PLPPR1: variants seen among roughly 807,000 people sequenced by gnomAD.
PLPPR1 encodes the protein phospholipid phosphatase related 1.
In PLPPR1, 10 loss-of-function variants were observed where a neutral mutation model predicts 33.1. That is an observed-to-expected ratio of 0.30 (90% CI 0.19 to 0.51). The LOEUF (loss-of-function observed/expected upper bound fraction) is 0.51. PLPPR1 is among the 20% of genes least tolerant of loss of function. The pLI is 0.97. For missense variants in PLPPR1, 304 were observed against 408.1 expected, an observed-to-expected ratio of 0.74 and a Z score of 2.20; for synonymous variants, 151 against 151.0, an observed-to-expected ratio of 1.00 and a Z score of 0.00.
At chr9:101,170,737 A>G (rs1825930521) in intron 1 of PLPPR1, among the ~76,000 whole-genome samples, 1 of 152,172 alleles carries the variant, frequency 6.6e-6, no homozygotes, top group Admixed American at 6.6e-5. Flanking sequence ...GGGGTTTAAG[A>G]TCAGCCTGGG....
intron 1 of PLPPR1, among the ~76,000 whole-genome samples, chr9:101,034,525 T>A (rs1829986545): frequency 6.6e-6 from 1 of 152,142 alleles, no homozygotes; most frequent in South Asian, 2.1e-4. Context: ...CTGAATTGAT[T>A]CAGAATTCTA....
intron 1 of PLPPR1, among the ~76,000 whole-genome samples, chr9:101,109,094 G>A (rs1440522392): frequency 6.6e-6 from 1 of 150,444 alleles, no homozygotes; most frequent in African/African-American, 2.4e-5. Context: ...AAGTAGCTGG[G>A]ACTACAGGCG....
chr9:101,180,866 C>G (rs1446807180), intron 1 of PLPPR1, among the ~76,000 whole-genome samples: 1 of 151,708 alleles, frequency 6.6e-6, no homozygotes, highest in Admixed American at 6.6e-5. Context: ...AGCACAAGCA[C>G]AAGCAAAATA....
At chr9:101,225,332 G>T (rs550759256) in intron 2 of PLPPR1, among the ~76,000 whole-genome samples, 1 of 152,194 alleles carries the variant, frequency 6.6e-6, no homozygotes, top group South Asian at 2.1e-4. Flanking sequence ...TGGCCCATTT[G>T]TGGAGTGAAA....
At chr9:101,233,716 TTCTCAC>T in intron 2 of PLPPR1, among the ~76,000 whole-genome samples, 1 of 151,900 alleles carries the variant, frequency 6.6e-6, no homozygotes, top group African/African-American at 2.4e-5. Context: ...GATATTGGAC[TTCTCAC>T]CCTCCAGGAC....
intron 6 of PLPPR1, among the ~76,000 whole-genome samples, chr9:101,314,757 A>T (rs1311497168): frequency 6.6e-6 from 1 of 152,150 alleles, no homozygotes; most frequent in Non-Finnish European, 1.5e-5. Flanking sequence ...ATTTAAAAAA[A>T]AAAAAAATAT....
chr9:101,323,748 A>G lies in PLPPR1; in HGVS notation c.946-277A>G, dbSNP rs189637685. ...CAGCTACTTGGGAGGCTGAGGCAGG[A>G]GAATTGCTTGAACCCAGGAGGGAGA... On this transcript the variant is annotated intron_variant, in intron 7 of 7. Transcript: ENST00000374874. Among the ~76,000 whole-genome samples the G allele has an allele frequency of 1.6e-3, 248 of 152,222 alleles. 5 individuals carry two copies. The East Asian group carries it at 0.037, about 23-fold the overall frequency.
chr9:101,215,025 TAAAAAAAAA>T (rs771958048), intron 2 of PLPPR1, among the ~76,000 whole-genome samples: 1 of 111,616 alleles, frequency 9.0e-6, no homozygotes, highest in Non-Finnish European at 1.9e-5. Context: ...TCCATGAAAT[TAAAAAAAAA>T]AAAAAAGAAA....
At chr9:101,042,095 A>G (rs1830084569) in intron 1 of PLPPR1, among the ~76,000 whole-genome samples, 1 of 152,202 alleles carries the variant, frequency 6.6e-6, no homozygotes, top group South Asian at 2.1e-4. Context: ...TTAATCATTC[A>G]GCACTGGGTA....
intron 1 of PLPPR1, among the ~76,000 whole-genome samples, chr9:101,042,001 G>A (rs76190468): frequency 0.029 from 4,448 of 152,198 alleles, 147 homozygotes; most frequent in African/African-American, 0.085. Context: ...CATCAGGGAA[G>A]GTAAGTCTGG....
chr9:101,111,622 A>G (rs1221129254), intron 1 of PLPPR1, among the ~76,000 whole-genome samples: 4 of 152,216 alleles, frequency 2.6e-5, no homozygotes, highest in Admixed American at 1.3e-4. Context: ...GCATTTTATA[A>G]ATAGATTTAT....
intron 1 of PLPPR1, among the ~76,000 whole-genome samples, chr9:101,050,858 A>G (rs904514998): frequency 6.6e-6 from 1 of 151,838 alleles, no homozygotes; most frequent in Non-Finnish European, 1.5e-5. Flanking sequence ...TGTTACCACA[A>G]CCTCTTAGCC....
intron 1 of PLPPR1, among the ~76,000 whole-genome samples, chr9:101,181,194 ATATT>A (rs1185826176): frequency 1.4e-5 from 2 of 147,526 alleles, no homozygotes; most frequent in Admixed American, 6.8e-5. Flanking sequence ...AAATTTATAT[ATATT>A]ATATGTATAT....
intron 3 of PLPPR1, among the ~76,000 whole-genome samples, chr9:101,284,775 G>A (rs1828362809): frequency 6.6e-6 from 1 of 152,076 alleles, no homozygotes; most frequent in Non-Finnish European, 1.5e-5. Context: ...AGACATTCCA[G>A]CATGACAGGA....
chr9:101,189,734 T>G (rs1404444005), intron 2 of PLPPR1, among the ~76,000 whole-genome samples: 5 of 152,186 alleles, frequency 3.3e-5, no homozygotes, highest in Admixed American at 3.3e-4. Flanking sequence ...ACTCCATCTC[T>G]TAGCCCATCT....
intron 1 of PLPPR1, among the ~76,000 whole-genome samples, chr9:101,162,183 G>A (rs182803033): frequency 7.9e-5 from 12 of 152,098 alleles, no homozygotes; most frequent in Non-Finnish European, 1.8e-4. Context: ...TATATCATAT[G>A]GTACTGGGTA....
At chr9:101,296,868 G>A (rs1053307365) in intron 4 of PLPPR1, among the ~76,000 whole-genome samples, 2 of 151,786 alleles carry the variant, frequency 1.3e-5, no homozygotes, top group African/African-American at 2.4e-5. Context: ...AATGGGTGCG[G>A]CACACCAGCA....
intron 1 of PLPPR1, among the ~76,000 whole-genome samples, chr9:101,065,886 C>T (rs1830406627): frequency 6.6e-6 from 1 of 152,064 alleles, no homozygotes; most frequent in East Asian, 1.9e-4. Flanking sequence ...ACAGGGAACA[C>T]TTGTATAACC....
chr9:101,212,090 T>A (rs1283417846), intron 2 of PLPPR1, among the ~76,000 whole-genome samples: 1 of 152,158 alleles, frequency 6.6e-6, no homozygotes, highest in East Asian at 1.9e-4. Context: ...ATTGTTTGTT[T>A]GTTTGTTTCT....
Sources: gnomAD v4.1 joint callset for allele counts (sites outside exome capture counted in the v4.1 genomes callset) on GRCh38, gnomAD v4.1.1 for gene constraint, MANE v1.5 for transcripts, NCBI Gene and HGNC (gene_info 2026-07-23, HGNC 2026-07-21) for gene names.